The following HIBADH variants were observed in gnomAD, a reference collection of about 807,000 sequenced individuals.
HIBADH encodes 3-hydroxyisobutyrate dehydrogenase, also known as 3-hydroxyisobutyrate dehydrogenase, mitochondrial.
HIBADH carries 25 observed loss-of-function variants against 36.1 expected under a neutral mutation model. The ratio of observed to expected loss-of-function variants is 0.69; its 90% CI spans 0.50 to 0.97. The LOEUF (loss-of-function observed/expected upper bound fraction) is 0.97, where lower values mean the gene tolerates loss of function less well. Ranked by LOEUF, HIBADH falls within the 50% of genes least tolerant of loss-of-function variation. HIBADH has a pLI of 0.00. For synonymous variants in HIBADH, 160 were observed against 149.5 expected, an observed-to-expected ratio of 1.07 and a Z score of -0.51; for missense variants, 421 against 418.0, an observed-to-expected ratio of 1.01 and a Z score of -0.06.
At chr7:27,530,197 ATTCTTT>A (rs922249355) in intron 7 of HIBADH, among the ~76,000 whole-genome samples, 2 of 90,464 alleles carry the variant, frequency 2.2e-5, no homozygotes, top group African/African-American at 5.5e-5. Context: ...AGGTATATGT[ATTCTTT>A]TTCTTTTTTT....
At chr7:27,591,697 G>A (rs1339900206) in intron 4 of HIBADH, among the ~76,000 whole-genome samples, 9 of 152,166 alleles carry the variant, frequency 5.9e-5, no homozygotes, top group Non-Finnish European at 1.2e-4. Context: ...CATTTATAAA[G>A]ACAGTATTTT....
At chr7:27,629,934 T>C (rs979576576) in intron 3 of HIBADH, among the ~76,000 whole-genome samples, 3 of 136,012 alleles carry the variant, frequency 2.2e-5, no homozygotes, top group African/African-American at 8.5e-5. Flanking sequence ...AAATTTCATA[T>C]ATCCGTGTTA....
At chr7:27,575,900 G>C (rs1220808759) in intron 4 of HIBADH, among the ~76,000 whole-genome samples, 1 of 152,238 alleles carries the variant, frequency 6.6e-6, no homozygotes, top group Non-Finnish European at 1.5e-5. Context: ...GCAGCAGCAT[G>C]CTTGCTTATA....
At chr7:27,560,801 A>G (rs375687094) in intron 4 of HIBADH, among the ~76,000 whole-genome samples, 32 of 152,240 alleles carry the variant, frequency 2.1e-4, no homozygotes, top group African/African-American at 7.2e-4. Flanking sequence ...TGTGCTTTCA[A>G]TTCTTTGGGC....
intron 4 of HIBADH, among the ~76,000 whole-genome samples, chr7:27,546,114 T>G (rs1367944584): frequency 1.3e-5 from 2 of 152,138 alleles, no homozygotes; most frequent in East Asian, 3.9e-4. Context: ...GCTATTTATT[T>G]ATTTATTTTT....
chr7:27,646,339 A>G (rs992456100), intron 2 of HIBADH, among the ~76,000 whole-genome samples: 5 of 152,196 alleles, frequency 3.3e-5, no homozygotes, highest in African/African-American at 4.8e-5. Context: ...CTTTCACATT[A>G]ATTTCAAAAA....
intron 3 of HIBADH, among the ~76,000 whole-genome samples, chr7:27,630,488 G>A (rs981960301): frequency 6.6e-6 from 1 of 151,974 alleles, no homozygotes; most frequent in African/African-American, 2.4e-5. Flanking sequence ...AGAGGGCATG[G>A]AATCATGATA....
At chr7:27,538,024 T>G (rs1374390188) in intron 6 of HIBADH, among the ~76,000 whole-genome samples, 1 of 152,222 alleles carries the variant, frequency 6.6e-6, no homozygotes, top group African/African-American at 2.4e-5. Flanking sequence ...GTTTAAATTT[T>G]ACAGAAAAGT....
In HIBADH at chr7:27,538,428, A is replaced by AT. The variant is rs1784098341; in HGVS notation, c.619-12dup. 1.9e-6 allele frequency: 3 copies of AT among 1,602,702 alleles called. No homozygotes were observed. The highest frequency in any genetic ancestry group is 2.6e-6 in the Non-Finnish European group (3 of 1,170,892). ...GCAGATCTTTGCCGCCTGAAAATAA[A>AT]TTGAGTACATATTAAATATCTGTAT... On this transcript the variant is annotated splice_polypyrimidine_tract_variant and intron_variant, in intron 5 of 7. Transcript: ENST00000265395.
chr7:27,544,736 A>G (rs533914845), intron 4 of HIBADH, among the ~76,000 whole-genome samples: 2 of 152,320 alleles, frequency 1.3e-5, no homozygotes, highest in East Asian at 3.9e-4. Flanking sequence ...TCATAGATCA[A>G]TAGTTTTGCT....
chr7:27,568,849 G>A (rs890132480), intron 4 of HIBADH, among the ~76,000 whole-genome samples: 1 of 150,928 alleles, frequency 6.6e-6, no homozygotes, highest in African/African-American at 2.4e-5. Flanking sequence ...GGGGCTCACT[G>A]AGCTTCTTAA....
chr7:27,635,054 C>T (rs1413380068), intron 2 of HIBADH, among the ~76,000 whole-genome samples: 1 of 149,768 alleles, frequency 6.7e-6, no homozygotes. Context: ...CCTAATAACA[C>T]ACACTCTCTC....
intron 2 of HIBADH, among the ~76,000 whole-genome samples, chr7:27,648,738 T>C (rs541044521): frequency 1.4e-3 from 206 of 152,340 alleles, no homozygotes; most frequent in African/African-American, 4.7e-3. Flanking sequence ...ACTCAAGACT[T>C]AACCAGCAGA....
intron 4 of HIBADH, among the ~76,000 whole-genome samples, chr7:27,615,136 T>C (rs928606358): frequency 2.0e-5 from 3 of 152,058 alleles, no homozygotes; most frequent in African/African-American, 4.8e-5. Flanking sequence ...ACATAGGAGA[T>C]AGGGAAGCAG....
At chr7:27,567,530 G>T (rs1377421585) in intron 4 of HIBADH, among the ~76,000 whole-genome samples, 1 of 151,938 alleles carries the variant, frequency 6.6e-6, no homozygotes, top group Non-Finnish European at 1.5e-5. Context: ...TTTTCTGCTT[G>T]TCCACTATGT....
intron 1 of HIBADH, among the ~76,000 whole-genome samples, chr7:27,658,606 T>C (rs1786352425): frequency 6.6e-6 from 1 of 152,186 alleles, no homozygotes; most frequent in Non-Finnish European, 1.5e-5. Flanking sequence ...CTATTCAAAG[T>C]AATGCATTTT....
intron 4 of HIBADH, among the ~76,000 whole-genome samples, chr7:27,560,868 C>T (rs1029677002): frequency 1.5e-4 from 23 of 152,278 alleles, no homozygotes; most frequent in African/African-American, 5.5e-4. Context: ...TAATTTTTTG[C>T]AGAACCACCA....
chr7:27,581,172 G>A (rs916447257), intron 4 of HIBADH, among the ~76,000 whole-genome samples: 6 of 152,152 alleles, frequency 3.9e-5, no homozygotes, highest in Non-Finnish European at 5.9e-5. Flanking sequence ...TGGGATTAGT[G>A]ATCATTAATT....
intron 4 of HIBADH, among the ~76,000 whole-genome samples, chr7:27,555,981 C>T (rs988205842): frequency 2.0e-5 from 3 of 152,088 alleles, no homozygotes; most frequent in Non-Finnish European, 4.4e-5. Context: ...TAAACACCTT[C>T]AAGTGTATTC....
Sources: gnomAD v4.1 joint callset for allele counts (sites outside exome capture counted in the v4.1 genomes callset) on GRCh38, gnomAD v4.1.1 for gene constraint, MANE v1.5 for transcripts, NCBI Gene and HGNC (gene_info 2026-07-23, HGNC 2026-07-21) for gene names.